POLA1: variants seen among roughly 807,000 people sequenced by gnomAD.
POLA1 encodes the protein DNA polymerase alpha catalytic subunit.
POLA1 carries 15 observed loss-of-function variants against 124.0 expected under a neutral mutation model. That is an observed-to-expected ratio of 0.12 (90% CI 0.08 to 0.19). The LOEUF is 0.19. POLA1 is among the 10% of genes least tolerant of loss of function. The probability of loss-of-function intolerance (pLI) is 1.00; values close to 1 mark genes in which losing one functional copy is unlikely to be tolerated. For synonymous variants in POLA1, 408 were observed against 389.4 expected (o/e 1.05, Z -0.56); for missense variants, 886 against 1,103.4 (o/e 0.80, Z 2.79).
intron 4 of POLA1, among the ~76,000 whole-genome samples, chrX:24,711,880 G>T (rs968041005): frequency 8.9e-6 from 1 of 112,245 alleles, no homozygotes; most frequent in Non-Finnish European, 1.9e-5. Context: ...TTACAGGCGT[G>T]AGCCACCACG....
intron 35 of POLA1, among the ~76,000 whole-genome samples, chrX:24,929,599 A>G (rs1258793372): frequency 8.9e-5 from 10 of 112,123 alleles, no homozygotes; most frequent in Non-Finnish European, 1.7e-4. Context: ...GAAGATGGAA[A>G]GAAAGTTTGT....
chrX:24,992,567 G>A (rs1489433268), intron 36 of POLA1, among the ~76,000 whole-genome samples: 1 of 112,547 alleles, frequency 8.9e-6, no homozygotes, highest in Non-Finnish European at 1.9e-5. Flanking sequence ...TGCTGCCTGT[G>A]TGCCTAAGCC....
chrX:24,772,101 A>G (rs1337827440), intron 26 of POLA1, among the ~76,000 whole-genome samples: 2 of 111,781 alleles, frequency 1.8e-5, no homozygotes, highest in African/African-American at 6.5e-5. Context: ...GTAATTTATA[A>G]ACTAAATTTT....
chrX:24,748,794 T>A (rs1932162442), intron 25 of POLA1, 76 bp from the exon 26 acceptor site: 1 of 1,038,262 alleles, frequency 9.6e-7, no homozygotes, highest in Non-Finnish European at 1.3e-6. Context: ...TTATTGGAGA[T>A]CTAGAAAGAC....
chrX:24,751,712 T>C (rs1434003348), intron 26 of POLA1, among the ~76,000 whole-genome samples: 1 of 112,367 alleles, frequency 8.9e-6, no homozygotes, highest in Non-Finnish European at 1.9e-5. Flanking sequence ...TTGGTGATAA[T>C]TGTTAGCACT....
At chrX:24,922,901 G>A (rs1274785376) in intron 35 of POLA1, among the ~76,000 whole-genome samples, 2 of 111,984 alleles carry the variant, frequency 1.8e-5, no homozygotes, top group African/African-American at 3.2e-5. Flanking sequence ...GTTTCTTCTG[G>A]TTTGAAATTT....
At position 24,995,899 on chromosome X, in the gene POLA1, C is replaced by T. The variant is rs11573531; in HGVS notation, c.4356C>T (p.Tyr1452=). Residue 1452 remains tyrosine, a synonymous_variant, in exon 37 of 37, where the codon TAC becomes TAT. Transcript: ENST00000379068. ...TAEQFLSRSG[Y]SEVNLSKLFA... Reference sequence around the variant, plus strand: ...AGCAATTCTTGTCCCGAAGTGGCTACTCCGAAGTGAATCTGAGCAAACTCT... The same window carrying T: ...AGCAATTCTTGTCCCGAAGTGGCTATTCCGAAGTGAATCTGAGCAAACTCT... The T allele has an allele frequency of 0.015, 18,486 of 1,208,528 alleles. 109 individuals carry two copies. Among genetic ancestry groups the T allele is most frequent in the Non-Finnish European group, 0.019 (16,694 of 894,220 alleles).
intron 35 of POLA1, among the ~76,000 whole-genome samples, chrX:24,915,776 G>A (rs1057453199): frequency 8.9e-6 from 1 of 111,760 alleles, no homozygotes; most frequent in Non-Finnish European, 1.9e-5. Flanking sequence ...TATTTCAGGG[G>A]GGTGCATTAC....
chrX:24,798,235 TA>T (rs916041239), intron 26 of POLA1, among the ~76,000 whole-genome samples: 1 of 111,857 alleles, frequency 8.9e-6, no homozygotes, highest in Non-Finnish European at 1.9e-5. Context: ...GTATAGAGTA[TA>T]ATGGGACAGG....
At chrX:24,936,879 C>G (rs1033624537) in intron 36 of POLA1, among the ~76,000 whole-genome samples, 1 of 112,122 alleles carries the variant, frequency 8.9e-6, no homozygotes, top group East Asian at 2.8e-4. Flanking sequence ...TGAGGGCAAG[C>G]TTTTTCTGTT....
chrX:24,847,352 G>GT (rs1396026716), intron 34 of POLA1, among the ~76,000 whole-genome samples: 1 of 112,255 alleles, frequency 8.9e-6, no homozygotes, highest in East Asian at 2.8e-4. Flanking sequence ...AGATGCAATC[G>GT]TAATAGTCAA....
At chrX:24,765,824 T>A (rs1451227871) in intron 26 of POLA1, among the ~76,000 whole-genome samples, 1 of 112,270 alleles carries the variant, frequency 8.9e-6, no homozygotes, top group Non-Finnish European at 1.9e-5. Flanking sequence ...GTTGGTAATG[T>A]GTGCCCTTCC....
chrX:24,760,769 G>A (rs1302838067), intron 26 of POLA1, among the ~76,000 whole-genome samples: 1 of 111,768 alleles, frequency 8.9e-6, no homozygotes, highest in Admixed American at 9.5e-5. Flanking sequence ...GGTAAGTTGT[G>A]GGAGTTTTGG....
intron 20 of POLA1, 135 bp from the exon 21 acceptor site, chrX:24,741,240 G>T: frequency 2.4e-6 from 1 of 414,111 alleles, no homozygotes; most frequent in Non-Finnish European, 4.1e-6. Flanking sequence ...ATTTTAAATT[G>T]TTTCTGAAGC....
At chrX:24,806,212 A>C (rs1009128152) in intron 26 of POLA1, among the ~76,000 whole-genome samples, 26 of 105,141 alleles carry the variant, frequency 2.5e-4, no homozygotes, top group Middle Eastern at 4.9e-3. Flanking sequence ...CTCATTTGTC[A>C]GTTGGGATTT....
chrX:24,866,125 T>C (rs1411034584), intron 34 of POLA1, among the ~76,000 whole-genome samples: 2 of 112,235 alleles, frequency 1.8e-5, no homozygotes, highest in East Asian at 5.5e-4. Flanking sequence ...GAAGATTCAA[T>C]TGAGAAATGT....
At chrX:24,850,322 A>T (rs943388486) in intron 34 of POLA1, among the ~76,000 whole-genome samples, 2 of 112,375 alleles carry the variant, frequency 1.8e-5, no homozygotes, top group East Asian at 5.6e-4. Context: ...ATAACAGATC[A>T]AATCCAATTC....
At position 24,854,828 on chromosome X, in the gene POLA1, C is replaced by CA. The variant is rs1351936669; in HGVS notation, c.4047+11164dup. Among the ~76,000 whole-genome samples, 258 of 59,349 alleles carry CA rather than the reference C, an allele frequency of 4.3e-3. 1 individual carries two copies. The highest frequency in any genetic ancestry group is 0.011 in the Middle Eastern group (1 of 89). The allele number at this position is 59,349 out of a possible 115,157, so 51.5% of individuals were successfully genotyped here. On this transcript the variant is annotated intron_variant, in intron 34 of 36. Coordinates refer to ENST00000379068, the MANE Select transcript of POLA1 (RefSeq NM_001330360.2). ...TGGGCGACAGAGTGGGACTCCATCT[C>CA]AAAAAAAAAAAAAGCCCAAAATTTA...
At chrX:24,963,957 C>T (rs975815217) in intron 36 of POLA1, among the ~76,000 whole-genome samples, 3 of 111,253 alleles carry the variant, frequency 2.7e-5, no homozygotes, top group African/African-American at 6.5e-5. Context: ...TTTGTGCTGC[C>T]GTTACTCTTA....
Sources: allele counts gnomAD v4.1 joint callset (sites outside exome capture counted in the v4.1 genomes callset), GRCh38; gene constraint gnomAD v4.1.1; transcripts MANE v1.5; gene names NCBI Gene and HGNC (gene_info 2026-07-23, HGNC 2026-07-21).